The following SRL variants were observed in gnomAD, a reference collection of about 807,000 sequenced individuals.
SRL encodes sarcalumenin.
In SRL, 23 loss-of-function variants were observed where a neutral mutation model predicts 39.5. The observed-to-expected ratio is 0.58, with a 90% confidence interval of 0.42 to 0.82. The LOEUF (loss-of-function observed/expected upper bound fraction) is 0.82, where lower values mean the gene tolerates loss of function less well. Ranked by LOEUF, SRL falls within the 40% of genes least tolerant of loss-of-function variation. The pLI is 0.00. For synonymous variants in SRL, 272 were observed against 237.4 expected (o/e 1.15, Z -1.34); for missense variants, 592 against 607.8 (o/e 0.97, Z 0.27).
chr16:4,216,887 G>C (rs2052467237), intron 1 of SRL, among the ~76,000 whole-genome samples: 1 of 152,184 alleles, frequency 6.6e-6, no homozygotes. Flanking sequence ...GGATCTGTGG[G>C]GATGAGGTGC....
At chr16:4,223,978 C>T (rs141548880) in intron 1 of SRL, among the ~76,000 whole-genome samples, 6 of 152,182 alleles carry the variant, frequency 3.9e-5, no homozygotes, top group Admixed American at 6.5e-5. Flanking sequence ...GCTCCCTGCC[C>T]GATAATATTC....
intron 1 of SRL, among the ~76,000 whole-genome samples, chr16:4,218,393 C>T (rs1191227111): frequency 6.6e-6 from 1 of 152,158 alleles, no homozygotes; most frequent in African/African-American, 2.4e-5. Flanking sequence ...AGGTCATTAG[C>T]AGTGCTGTGT....
chr16:4,197,195 A>G (rs1358667685), intron 4 of SRL, among the ~76,000 whole-genome samples: 3 of 148,004 alleles, frequency 2.0e-5, no homozygotes, highest in Non-Finnish European at 3.0e-5. Flanking sequence ...CAGCCTCCCA[A>G]GTAGCTGGGA....
At chr16:4,204,247 A>G (rs1411479000) in intron 2 of SRL, among the ~76,000 whole-genome samples, 1 of 152,214 alleles carries the variant, frequency 6.6e-6, no homozygotes, top group Admixed American at 6.5e-5. Context: ...ATGGGGCTGC[A>G]CTGGCTTCGC....
At position 4,204,477 on chromosome 16, in the gene SRL, C is replaced by T. The variant is rs528721313; in HGVS notation, c.163+56G>A. ...TCTCAGGAGCCTCCAGGAGTCTGCC[C>T]GGGCCCTGGTGGCCGGGCTCTCCCA... On this transcript the variant is annotated intron_variant, in intron 2 of 5. Coordinates refer to ENST00000399609, the MANE Select transcript of SRL (RefSeq NM_001098814.2). The T allele has an allele frequency of 1.9e-5, 29 of 1,530,730 alleles. No individual in the cohort carries two copies. The South Asian group carries it at 2.6e-4, about 14-fold the overall frequency. The allele number at this position is 1,530,730 out of a possible 1,614,324, so 94.8% of individuals were successfully genotyped here. A position where few individuals can be genotyped will look rare whatever the true frequency, so the allele number is the denominator to read the frequency against.
rs375140513 is a variant in SRL at position 4,204,497 on chromosome 16, C to T, written c.163+36G>A. On this transcript the variant is annotated intron_variant, in intron 2 of 5. Transcript: ENST00000399609. ...CTGCCCGGGCCCTGGTGGCCGGGCTCTCCCAGCCCTGGGCATATCTCCCTC... is the reference window on the plus strand; with the variant it reads ...CTGCCCGGGCCCTGGTGGCCGGGCTTTCCCAGCCCTGGGCATATCTCCCTC... The T allele has an allele frequency of 1.0e-4, 159 of 1,537,930 alleles. 1 individual carries two copies. Among genetic ancestry groups the T allele is most frequent in the Non-Finnish European group, 1.3e-4 (145 of 1,136,624 alleles).
chr16:4,192,514 T>G lies in SRL; in HGVS notation c.1061A>C (p.Tyr354Ser). 1 of 1,614,192 alleles carries G rather than the reference T, an allele frequency of 6.2e-7. No individual in the cohort carries two copies. Among genetic ancestry groups the G allele is most frequent in the South Asian group, 1.1e-5 (1 of 91,080 alleles). The change falls in exon 6 of 6, where the codon TAC becomes TCC. Residue 354 changes from tyrosine (Y) to serine (S), a missense_variant. Transcript: ENST00000399609. The surrounding 1 kb of genome is among the most constrained non-coding windows in gnomAD (Gnocchi z 4.0). ...ACTGAAGAAGGTCATTTTGTCCTTG[T>G]AAGTCTGCAGGTAGCGGTCAACCAG... Reference protein sequence around the residue: ...ALLVDRYLQTYKDKMTFFSDG... With the variant: ...ALLVDRYLQTSKDKMTFFSDG...
chr16:4,223,732 A>T (rs774179359), intron 1 of SRL, among the ~76,000 whole-genome samples: 1 of 151,954 alleles, frequency 6.6e-6, no homozygotes, highest in South Asian at 2.1e-4. Flanking sequence ...TCTCACACAC[A>T]CTAACATCCG....
chr16:4,212,563 C>A (rs539746289), intron 1 of SRL, among the ~76,000 whole-genome samples: 1 of 152,202 alleles, frequency 6.6e-6, no homozygotes, highest in Non-Finnish European at 1.5e-5. Flanking sequence ...AGAGGTGAAT[C>A]CCCAGTAAGA....
chr16:4,209,663 G>A (rs768577959), intron 1 of SRL, among the ~76,000 whole-genome samples: 11 of 152,208 alleles, frequency 7.2e-5, no homozygotes, highest in Non-Finnish European at 1.5e-4. Context: ...TAGACAGCTA[G>A]CCTGTTGTCG....
At chr16:4,205,787 A>C (rs984892040) in intron 1 of SRL, among the ~76,000 whole-genome samples, 5 of 152,062 alleles carry the variant, frequency 3.3e-5, no homozygotes, top group African/African-American at 1.2e-4. Context: ...GGCTCTAGGC[A>C]GGCAGCCTAG....
In SRL at chr16:4,192,885, C is replaced by T. The variant is rs772707454; in HGVS notation, c.690G>A (p.Leu230=). The change falls in exon 6 of 6, where the codon CTG becomes CTA. Residue 230 remains leucine, a synonymous_variant. Transcript: ENST00000399609. The surrounding 1 kb of genome is among the most constrained non-coding windows in gnomAD (Gnocchi z 4.0). The part of the protein sequence containing the change: ...LIFVVFDPTK[L]DVGLELEMLF... Reference sequence around the variant, plus strand: ...GCATCTCCAGCTCTAGACCCACATCCAGCTTTGTTGGGTCAAAGACGACAA... The same window carrying T: ...GCATCTCCAGCTCTAGACCCACATCTAGCTTTGTTGGGTCAAAGACGACAA... The T allele has an allele frequency of 3.7e-6, 6 of 1,614,082 alleles. No individual in the cohort carries two copies. In the East Asian group the frequency reaches 1.3e-4, roughly 36 times the overall value.
At chr16:4,236,806 G>T (rs1158309466) in intron 1 of SRL, among the ~76,000 whole-genome samples, 1 of 152,022 alleles carries the variant, frequency 6.6e-6, no homozygotes, top group Non-Finnish European at 1.5e-5. Flanking sequence ...ACTACGCCCG[G>T]CTAATTTTTT....
chr16:4,207,012 T>C (rs2052328678), intron 1 of SRL: 1 of 453,774 alleles, frequency 2.2e-6, no homozygotes, highest in African/African-American at 2.0e-5. Flanking sequence ...CTCGGCTTCC[T>C]GGGGATCCCC....
intron 2 of SRL, among the ~76,000 whole-genome samples, chr16:4,203,707 C>T (rs1432656212): frequency 6.6e-6 from 1 of 151,912 alleles, no homozygotes; most frequent in Non-Finnish European, 1.5e-5. Context: ...TTTTTTAAAA[C>T]CTCTCTCCTC....
intron 1 of SRL, chr16:4,207,077 G>A (rs1391194224): frequency 2.2e-6 from 1 of 453,394 alleles, no homozygotes; most frequent in Admixed American, 2.4e-5. Context: ...GGGGCTCCCT[G>A]GCTTCCTGGG....
chr16:4,229,407 G>A (rs1291158375), intron 1 of SRL, among the ~76,000 whole-genome samples: 2 of 151,894 alleles, frequency 1.3e-5, no homozygotes, highest in South Asian at 2.1e-4. Context: ...CCAAGATCAC[G>A]CCACTGCACT....
In SRL at chr16:4,189,754, C is replaced by G. The variant is rs1366525552; in HGVS notation, c.*2399G>C. The stretch of plus-strand genomic sequence containing the variant: ...ATAAATATTGCATGAATGTATTAGC[C>G]TCATCCCAGCCATTTCCCCCAAAGC... On this transcript the variant is annotated 3_prime_UTR_variant, in exon 6 of 6. Transcript: ENST00000399609. 6.6e-6 allele frequency: 1 copy of G among 152,520 alleles called. No homozygotes were observed. The highest frequency in any genetic ancestry group is 1.5e-5 in the Non-Finnish European group (1 of 68,258). 9.4% of individuals were successfully genotyped at this position (152,520 alleles called of 1,614,324 possible). A position where few individuals can be genotyped will look rare whatever the true frequency, so the allele number is the denominator to read the frequency against.
At chr16:4,195,075 T>G (rs576508746) in intron 5 of SRL, among the ~76,000 whole-genome samples, 23 of 152,082 alleles carry the variant, frequency 1.5e-4, no homozygotes, top group African/African-American at 5.5e-4. Flanking sequence ...TTATATTTTT[T>G]GTAGAGGCGG....
Sources: allele counts gnomAD v4.1 joint callset (sites outside exome capture counted in the v4.1 genomes callset), GRCh38; gene constraint gnomAD v4.1.1; non-coding constraint Gnocchi (gnomAD v3.1); transcripts MANE v1.5; gene names NCBI Gene and HGNC (gene_info 2026-07-23, HGNC 2026-07-21).